SNTG1: variants seen among roughly 807,000 people sequenced by gnomAD.
The protein encoded by SNTG1 is syntrophin gamma 1.
Under a neutral mutation model 74.7 loss-of-function variants are expected in SNTG1, and 39 were observed. The observed-to-expected ratio is 0.52, with a 90% CI of 0.40 to 0.68. The LOEUF is 0.68. Ranked by LOEUF, SNTG1 falls within the 30% of genes least tolerant of loss-of-function variation. The pLI is 0.00. For missense variants in SNTG1, 685 were observed against 609.5 expected (o/e 1.12, Z -1.30); for synonymous variants, 254 against 217.1 (o/e 1.17, Z -1.49).
At chr8:50,733,702 G>C (rs1193457318) in intron 17 of SNTG1, among the ~76,000 whole-genome samples, 1 of 151,850 alleles carries the variant, frequency 6.6e-6, no homozygotes. Context: ...ATTTTTTCAT[G>C]TGTTTGTTGG....
intron 9 of SNTG1, among the ~76,000 whole-genome samples, chr8:50,517,163 T>G (rs947378233): frequency 2.6e-5 from 4 of 152,140 alleles, no homozygotes; most frequent in Non-Finnish European, 4.4e-5. Flanking sequence ...AGAAAAGAAT[T>G]TTCAACCCAG....
At chr8:50,364,024 T>TC (rs1423931156) in intron 2 of SNTG1, among the ~76,000 whole-genome samples, 1 of 152,160 alleles carries the variant, frequency 6.6e-6, no homozygotes, top group African/African-American at 2.4e-5. Flanking sequence ...CCTGAGGCCC[T>TC]CCCTATGACA....
At position 50,653,169 on chromosome 8, in the gene SNTG1, C is replaced by T. The variant is rs2095158927; in HGVS notation, c.850-3740C>T. Among the ~76,000 whole-genome samples the T allele has an allele frequency of 2.0e-5, 3 of 151,874 alleles. No homozygotes were observed. In the South Asian group the frequency reaches 6.2e-4, roughly 32 times the overall value. Reference sequence around the variant, plus strand: ...GTAAAAAACTTCATAAGAAGCGAGGCATGATGGGTCATTCTTGCAATCCCA... The same window carrying T: ...GTAAAAAACTTCATAAGAAGCGAGGTATGATGGGTCATTCTTGCAATCCCA... On this transcript the variant is annotated intron_variant, in intron 13 of 18. Coordinates refer to ENST00000642720, the MANE Select transcript of SNTG1 (RefSeq NM_018967.5).
At chr8:50,014,679 T>C (rs1395954481) in intron 1 of SNTG1, among the ~76,000 whole-genome samples, 10 of 152,112 alleles carry the variant, frequency 6.6e-5, no homozygotes, top group Non-Finnish European at 1.0e-4. Context: ...ATAGAGGATC[T>C]ATAGGCAAGC....
At position 50,257,623 on chromosome 8, in the gene SNTG1, G is replaced by A. The variant is rs1586865725; in HGVS notation, c.-28+84988G>A. 2.0e-5 allele frequency among the ~76,000 whole-genome samples: 3 copies of A among 152,164 alleles called. No homozygotes were observed. The South Asian group carries it at 6.2e-4, about 31-fold the overall frequency. On this transcript the variant is annotated intron_variant, in intron 2 of 18. Coordinates refer to ENST00000642720, the MANE Select transcript of SNTG1 (RefSeq NM_018967.5). ...TGAGATTCAATCTTTTTGAATTTTT[G>A]CAATCAGTCCTTGGCGATGGCCTTG...
At chr8:49,945,739 G>GT (rs1435546806) in intron 1 of SNTG1, among the ~76,000 whole-genome samples, 1 of 152,110 alleles carries the variant, frequency 6.6e-6, no homozygotes, top group African/African-American at 2.4e-5. Flanking sequence ...CACAGGCACT[G>GT]AAGGCCTCTG....
chr8:50,093,787 A>G (rs961465948), intron 1 of SNTG1, among the ~76,000 whole-genome samples: 3 of 152,174 alleles, frequency 2.0e-5, no homozygotes, highest in Non-Finnish European at 2.9e-5. Context: ...ATTTTATCTG[A>G]AGGTAGTGAA....
rs539675927 is a variant in SNTG1, at chr8:50,561,710, G to A, written c.810+8531G>A. 2.2e-4 allele frequency among the ~76,000 whole-genome samples: 33 copies of A among 152,208 alleles called. No homozygotes were observed. The South Asian group carries it at 6.2e-3, about 29-fold the overall frequency. The stretch of plus-strand genomic sequence containing the variant: ...AGGCCTGGCTATGAGGAAACTGAAA[G>A]TAAAATAATAGATTACGGAATCAGA... On this transcript the variant is annotated intron_variant, in intron 12 of 18. Coordinates refer to ENST00000642720, the MANE Select transcript of SNTG1 (RefSeq NM_018967.5).
At chr8:49,983,851 C>T (rs1026374323) in intron 1 of SNTG1, among the ~76,000 whole-genome samples, 2 of 152,206 alleles carry the variant, frequency 1.3e-5, no homozygotes, top group African/African-American at 2.4e-5. Context: ...TTTGAAACTA[C>T]GTTTCATTTT....
chr8:50,467,876 A>AT (rs2093621799), intron 8 of SNTG1, among the ~76,000 whole-genome samples: 4 of 151,888 alleles, frequency 2.6e-5, no homozygotes, highest in Non-Finnish European at 5.9e-5. Flanking sequence ...TTCTCTTCAG[A>AT]CTTCTTAATG....
At chr8:50,229,643 G>A (rs2085515396) in intron 2 of SNTG1, among the ~76,000 whole-genome samples, 1 of 124,350 alleles carries the variant, frequency 8.0e-6, no homozygotes. Flanking sequence ...AGTGTAGTTT[G>A]AGACTTTATC....
At chr8:50,297,428 C>G (rs1345375753) in intron 2 of SNTG1, among the ~76,000 whole-genome samples, 10 of 152,018 alleles carry the variant, frequency 6.6e-5, no homozygotes, top group Admixed American at 6.6e-4. Flanking sequence ...AATTTTTTTT[C>G]TTTTCCTTAT....
At chr8:49,978,534 T>C (rs544795947) in intron 1 of SNTG1, among the ~76,000 whole-genome samples, 1 of 152,272 alleles carries the variant, frequency 6.6e-6, no homozygotes, top group East Asian at 1.9e-4. Context: ...CTCTGAAGTG[T>C]CTTTGTACCT....
At chr8:50,208,861 C>T (rs2084373336) in intron 2 of SNTG1, among the ~76,000 whole-genome samples, 1 of 152,160 alleles carries the variant, frequency 6.6e-6, no homozygotes, top group Non-Finnish European at 1.5e-5. Flanking sequence ...TTCTGCATTT[C>T]CAAGTGAGGT....
chr8:50,087,419 A>G (rs569815289), intron 1 of SNTG1, among the ~76,000 whole-genome samples: 2 of 152,286 alleles, frequency 1.3e-5, no homozygotes, highest in South Asian at 4.1e-4. Context: ...TTATGATGCC[A>G]TGTATAAATA....
At chr8:50,199,331 C>A (rs906967261) in intron 2 of SNTG1, among the ~76,000 whole-genome samples, 2 of 151,588 alleles carry the variant, frequency 1.3e-5, no homozygotes, top group Non-Finnish European at 2.9e-5. Flanking sequence ...GATTCTCCTG[C>A]CTCAGCCCCC....
chr8:50,411,498 C>G (rs1410638226), intron 4 of SNTG1, among the ~76,000 whole-genome samples: 2 of 149,078 alleles, frequency 1.3e-5, no homozygotes, highest in African/African-American at 4.9e-5. Context: ...AAAATAAAAA[C>G]AGAAGGAGGA....
At chr8:50,361,563 G>T (rs910178274) in intron 2 of SNTG1, among the ~76,000 whole-genome samples, 9 of 152,186 alleles carry the variant, frequency 5.9e-5, no homozygotes, top group Non-Finnish European at 1.2e-4. Flanking sequence ...GGGACTCAAA[G>T]TCGCTGGGAT....
intron 1 of SNTG1, among the ~76,000 whole-genome samples, chr8:49,929,467 T>A (rs1563359107): frequency 6.6e-6 from 1 of 152,206 alleles, no homozygotes; most frequent in Non-Finnish European, 1.5e-5. Flanking sequence ...ATAGCAACGA[T>A]GCAACTTTCT....
Sources: allele counts gnomAD v4.1 joint callset (sites outside exome capture counted in the v4.1 genomes callset), GRCh38; gene constraint gnomAD v4.1.1; transcripts MANE v1.5; gene names NCBI Gene and HGNC (gene_info 2026-07-23, HGNC 2026-07-21).